ST3GAL3: variants seen among roughly 807,000 people sequenced by gnomAD.
ST3GAL3 encodes ST3 beta-galactoside alpha-2,3-sialyltransferase 3.
ST3GAL3 carries 21 observed loss-of-function variants against 50.1 expected under a neutral mutation model. The ratio of observed to expected loss-of-function variants is 0.42; its 90% CI spans 0.30 to 0.60. The LOEUF (loss-of-function observed/expected upper bound fraction) is 0.60, where lower values mean the gene tolerates loss of function less well. Among genes scored for constraint, ST3GAL3 ranks in the 20% least tolerant of loss-of-function variants. The pLI, the probability that ST3GAL3 is intolerant of heterozygous loss-of-function variation, is 0.19. For synonymous variants in ST3GAL3, 183 were observed against 190.0 expected (o/e 0.96, Z 0.30); for missense variants, 353 against 489.4 (o/e 0.72, Z 2.63).
chr1:43,888,206 A>T (rs1393943762), intron 5 of ST3GAL3, among the ~76,000 whole-genome samples: 1 of 152,244 alleles, frequency 6.6e-6, no homozygotes, highest in Non-Finnish European at 1.5e-5. Flanking sequence ...CCAGAGATTT[A>T]AATGTAAAAC....
intron 11 of ST3GAL3, among the ~76,000 whole-genome samples, chr1:43,925,074 G>T (rs1447698725): frequency 6.6e-6 from 1 of 152,078 alleles, no homozygotes; most frequent in South Asian, 2.1e-4. Flanking sequence ...TGGATCACCT[G>T]GGGTCAGGAG....
intron 5 of ST3GAL3, among the ~76,000 whole-genome samples, chr1:43,854,667 G>T (rs2067993100): frequency 6.6e-6 from 1 of 152,154 alleles, no homozygotes. Context: ...CCAACTTCCT[G>T]CTGGACAGCT....
At chr1:43,827,571 C>T (rs182504899) in intron 4 of ST3GAL3, among the ~76,000 whole-genome samples, 1 of 152,226 alleles carries the variant, frequency 6.6e-6, no homozygotes, top group Non-Finnish European at 1.5e-5. Flanking sequence ...GGTGCAACCA[C>T]GGCTCACTGC....
chr1:43,735,537 C>T (rs1678027079), intron 1 of ST3GAL3, among the ~76,000 whole-genome samples: 1 of 152,198 alleles, frequency 6.6e-6, no homozygotes, highest in Non-Finnish European at 1.5e-5. Context: ...CTTGTCCCTA[C>T]AGCTGCACGA....
At chr1:43,849,888 T>C (rs1453609045) in intron 5 of ST3GAL3, among the ~76,000 whole-genome samples, 1 of 152,212 alleles carries the variant, frequency 6.6e-6, no homozygotes, top group East Asian at 1.9e-4. Flanking sequence ...TGGCAGTGTG[T>C]ACAAGCTGTG....
intron 2 of ST3GAL3, among the ~76,000 whole-genome samples, chr1:43,773,236 C>A (rs541285693): frequency 1.3e-5 from 2 of 152,204 alleles, no homozygotes; most frequent in Admixed American, 1.3e-4. Flanking sequence ...CTCCAGCGGG[C>A]GTGATTTTGG....
rs924144721 is a variant in ST3GAL3 at position 43,875,968 on chromosome 1, A to C, written c.303-18415A>C. Among the ~76,000 whole-genome samples, 530 of 140,298 alleles carry C rather than the reference A, an allele frequency of 3.8e-3. 2 individuals carry two copies. Among genetic ancestry groups the C allele is most frequent in the Non-Finnish European group, 5.6e-3 (359 of 63,612 alleles). 92.0% of individuals were successfully genotyped at this position (140,298 alleles called of 152,430 possible). A position where few individuals can be genotyped will look rare whatever the true frequency, so the allele number is the denominator to read the frequency against. The stretch of plus-strand genomic sequence containing the variant: ...TCTTCTTCTTATTATTATTATTATT[A>C]TTATTATTATTATTTTTGAGACAGG... On this transcript the variant is annotated intron_variant, in intron 5 of 11. Coordinates refer to ENST00000347631, the MANE Select transcript of ST3GAL3 (RefSeq NM_006279.5).
chr1:43,840,706 T>G (rs1367137015), intron 5 of ST3GAL3: 3 of 152,120 alleles, frequency 2.0e-5, no homozygotes, highest in Non-Finnish European at 4.4e-5. Context: ...GCTTTAAAAT[T>G]TCTCTCTTTT....
At chr1:43,922,917 C>T (rs554924815) in intron 11 of ST3GAL3, among the ~76,000 whole-genome samples, 18 of 151,542 alleles carry the variant, frequency 1.2e-4, no homozygotes, top group South Asian at 6.3e-4. Context: ...CTGGCTAACA[C>T]GGTGAAACCG....
At chr1:43,905,135 C>T (rs2079054245) in intron 9 of ST3GAL3, among the ~76,000 whole-genome samples, 1 of 141,666 alleles carries the variant, frequency 7.1e-6, no homozygotes, top group South Asian at 2.4e-4. Context: ...TCCTCCTCCT[C>T]CTCCTGCTCC....
intron 9 of ST3GAL3, chr1:43,912,811 C>A (rs35794030): frequency 6.6e-6 from 1 of 152,248 alleles, no homozygotes; most frequent in African/African-American, 2.4e-5. Flanking sequence ...CAGCAGGAGT[C>A]TGGCAGCTTC....
Position 43,855,750 on chromosome 1 carries a change from T to A in ST3GAL3, c.302+17439T>A, listed in dbSNP as rs560347929. ...ATTCTGGAAAAAATAATTTTTAAAA[T>A]TTTTAAAAATATATTTATTTACATT... On this transcript the variant is annotated intron_variant, in intron 5 of 11. Transcript: ENST00000347631. 4.1e-4 allele frequency among the ~76,000 whole-genome samples: 63 copies of A among 152,184 alleles called. No homozygotes were observed. The East Asian group carries it at 7.5e-3, about 18-fold the overall frequency.
chr1:43,745,502 C>A (rs1369235761), intron 2 of ST3GAL3, among the ~76,000 whole-genome samples: 1 of 152,144 alleles, frequency 6.6e-6, no homozygotes, highest in Non-Finnish European at 1.5e-5. Flanking sequence ...TTAAATAACA[C>A]AACAAAAAGA....
chr1:43,832,085 G>A (rs553786844), intron 4 of ST3GAL3, among the ~76,000 whole-genome samples: 2 of 152,302 alleles, frequency 1.3e-5, no homozygotes, highest in Admixed American at 1.3e-4. Context: ...AAGCAAAATT[G>A]AATTGGAGAG....
At chr1:43,928,415 A>G (rs1359345663) in intron 11 of ST3GAL3, among the ~76,000 whole-genome samples, 1 of 152,046 alleles carries the variant, frequency 6.6e-6, no homozygotes, top group Admixed American at 6.5e-5. Context: ...CCTGGCCAAC[A>G]TGGTGAAACC....
At chr1:43,815,469 C>T (rs1352741274) in intron 4 of ST3GAL3, among the ~76,000 whole-genome samples, 1 of 152,206 alleles carries the variant, frequency 6.6e-6, no homozygotes, top group Non-Finnish European at 1.5e-5. Context: ...TACTTCCTCC[C>T]CACACAAAGT....
At position 43,820,347 on chromosome 1, in the gene ST3GAL3, A is replaced by G. The variant is rs1057093441; in HGVS notation, c.209+5414A>G. Among the ~76,000 whole-genome samples the G allele has an allele frequency of 2.0e-5, 3 of 152,330 alleles. No individual in the cohort carries two copies. The South Asian group carries it at 6.2e-4, about 32-fold the overall frequency. On this transcript the variant is annotated intron_variant, in intron 4 of 11. Transcript: ENST00000347631. ...AAATGTAAGACCTCAAACTATAAAAATCCTAACAGAAAACCTAGGACATAC... is the reference window on the plus strand; with the variant it reads ...AAATGTAAGACCTCAAACTATAAAAGTCCTAACAGAAAACCTAGGACATAC...
chr1:43,737,995 T>C lies in ST3GAL3; in HGVS notation c.118+1615T>C, dbSNP rs1428592976. 6.6e-6 allele frequency: 1 copy of C among 152,248 alleles called. No individual in the cohort carries two copies. Among genetic ancestry groups the C allele is most frequent in the African/African-American group, 2.4e-5 (1 of 41,462 alleles). The allele number at this position is 152,248 out of a possible 1,614,324, so 9.4% of individuals were successfully genotyped here. A position where few individuals can be genotyped will look rare whatever the true frequency, so the allele number is the denominator to read the frequency against. ...CTGAAACACTTTAATTTACCAAGGT[T>C]ATATTGTTGGAACTGGAATTCAATT... On this transcript the variant is annotated intron_variant, in intron 2 of 11. Transcript: ENST00000347631. The surrounding 1 kb of genome is among the most constrained non-coding windows in gnomAD (Gnocchi z 4.0).
intron 7 of ST3GAL3, 113 bp downstream of exon 7, chr1:43,898,411 A>G (rs1570939895): frequency 9.6e-7 from 1 of 1,040,128 alleles, no homozygotes; most frequent in Non-Finnish European, 1.5e-6. Flanking sequence ...ACATCCACAC[A>G]TGCACATACA....
Sources: allele counts gnomAD v4.1 joint callset (sites outside exome capture counted in the v4.1 genomes callset), GRCh38; gene constraint gnomAD v4.1.1; non-coding constraint Gnocchi (gnomAD v3.1); transcripts MANE v1.5; gene names NCBI Gene and HGNC (gene_info 2026-07-23, HGNC 2026-07-21).